Variants in NRIP3 observed in about 807,000 individuals in gnomAD.
The protein encoded by NRIP3 is nuclear receptor interacting protein 3.
Under a neutral mutation model 29.0 loss-of-function variants are expected in NRIP3, and 31 were observed. The observed-to-expected ratio is 1.07, with a 90% CI of 0.80 to 1.44. NRIP3 has a LOEUF of 1.44. NRIP3 is among the 40% of genes most tolerant of loss of function. The probability of loss-of-function intolerance (pLI) is 0.00; values close to 1 mark genes in which losing one functional copy is unlikely to be tolerated. For synonymous variants in NRIP3, 131 were observed against 118.3 expected (o/e 1.11, Z -0.70); for missense variants, 314 against 297.9 (o/e 1.05, Z -0.40).
At chr11:8,997,024 G>A (rs986910293) in intron 1 of NRIP3, among the ~76,000 whole-genome samples, 1 of 152,168 alleles carries the variant, frequency 6.6e-6, no homozygotes, top group African/African-American at 2.4e-5. Context: ...GCTGCAGTGA[G>A]CTATGATCAC....
intron 4 of NRIP3, among the ~76,000 whole-genome samples, chr11:8,984,938 G>T (rs552585878): frequency 8.6e-5 from 13 of 151,546 alleles, no homozygotes; most frequent in Non-Finnish European, 1.9e-4. Flanking sequence ...TGCAAGCTCT[G>T]CCTCTCGGGT....
At chr11:8,990,525 C>T (rs141852832) in intron 1 of NRIP3, among the ~76,000 whole-genome samples, 22 of 152,294 alleles carry the variant, frequency 1.4e-4, no homozygotes, top group Admixed American at 2.6e-4. Flanking sequence ...GTGGCTCACA[C>T]CTGTAATCCC....
intron 3 of NRIP3, among the ~76,000 whole-genome samples, chr11:8,987,291 T>G (rs903935687): frequency 1.3e-5 from 2 of 152,086 alleles, no homozygotes; most frequent in Non-Finnish European, 2.9e-5. Context: ...TCATTCAAGT[T>G]TAGAGGTCTT....
chr11:8,983,506 T>C lies in NRIP3; in HGVS notation c.*39A>G, dbSNP rs774250938. 11 of 1,605,982 alleles carry C rather than the reference T, an allele frequency of 6.8e-6. No homozygotes were observed. Among genetic ancestry groups the C allele is most frequent in the Non-Finnish European group, 9.4e-6 (11 of 1,174,214 alleles). ...GTTTTCTCTATCTGTCAACCCGGTG[T>C]GTATGCATGCACACGTGCAGACATG... On this transcript the variant is annotated 3_prime_UTR_variant, in exon 7 of 7. Transcript: ENST00000309166.
intron 4 of NRIP3, 130 bp downstream of exon 4, chr11:8,985,581 A>G: frequency 8.7e-7 from 1 of 1,148,456 alleles, no homozygotes; most frequent in South Asian, 1.6e-5. Flanking sequence ...GACAAGGTCT[A>G]CAGTACAAAA....
rs1218570903 is a variant in NRIP3 at position 8,984,142 on chromosome 11, A to AG, written c.563-19_563-18insC. 6.3e-7 allele frequency: 1 copy of AG among 1,583,876 alleles called. No individual in the cohort carries two copies. The highest frequency in any genetic ancestry group is 1.3e-5 in the African/African-American group (1 of 74,352). ...ATTGTCATCTAATAAAAACAAAAAAATGATTAAGATTTAGCCATTTCCATG... is the reference window on the plus strand; with the variant it reads ...ATTGTCATCTAATAAAAACAAAAAAAGTGATTAAGATTTAGCCATTTCCATG... On this transcript the variant is annotated intron_variant, in intron 4 of 6. Coordinates refer to ENST00000309166, the MANE Select transcript of NRIP3 (RefSeq NM_020645.3).
Position 9,003,843 on chromosome 11 carries a change from C to T in NRIP3, c.93G>A (p.Gln31=). 1 of 1,521,500 alleles carries T rather than the reference C, an allele frequency of 6.6e-7. No homozygotes were observed. Among genetic ancestry groups the T allele is most frequent in the South Asian group, 1.2e-5 (1 of 80,860 alleles). The allele number at this position is 1,521,500 out of a possible 1,614,324, so 94.2% of individuals were successfully genotyped here. ...AGTCCTTGTGGATGAACTGCACCGC[C>T]TGCTTCATCCGGCGCTGCTGTCGCA... ...ASLRQQRRMK[Q]AVQFIHKDSA... The change falls in exon 1 of 7, where the codon CAG becomes CAA. Residue 31 remains glutamine (Q), a synonymous_variant. Coordinates refer to ENST00000309166, the MANE Select transcript of NRIP3 (RefSeq NM_020645.3).
At chr11:9,003,585 C>G (rs1854849598) in intron 1 of NRIP3, among the ~76,000 whole-genome samples, 177 bp downstream of exon 1, 1 of 152,218 alleles carries the variant, frequency 6.6e-6, no homozygotes, top group African/African-American at 2.4e-5. Flanking sequence ...ACGACGGAAT[C>G]CCCACCGAAA....
At position 8,983,555 on chromosome 11, in the gene NRIP3, G is replaced by C; in HGVS notation, c.716C>G (p.Ser239Ter). The C allele has an allele frequency of 1.2e-6, 2 of 1,613,610 alleles. No homozygotes were observed. Among genetic ancestry groups the C allele is most frequent in the Middle Eastern group, 1.7e-4 (1 of 6,060 alleles). Residue 239 changes from serine to a stop codon, truncating the protein, a stop_gained, in exon 7 of 7, where the codon TCA (serine) becomes TGA (stop). Transcript: ENST00000309166. LOFTEE classifies it high-confidence loss of function. ...TGCTGCAGGCTGTAGTTATGCTTCT[G>C]AAGTGCTGAAATGAGAAATAAATAT... ...ETVSLNEDNTSEA is the reference protein window; with the variant it reads ...ETVSLNEDNT
At chr11:9,003,655 A>G (rs1338306112) in intron 1 of NRIP3, 107 bp downstream of exon 1, 6 of 1,130,850 alleles carry the variant, frequency 5.3e-6, no homozygotes, top group African/African-American at 1.6e-5. Context: ...AGCCAAGGGC[A>G]GCGGCGGGCC....
intron 1 of NRIP3, among the ~76,000 whole-genome samples, chr11:8,988,564 C>T (rs528053431): frequency 6.6e-6 from 1 of 152,280 alleles, no homozygotes; most frequent in Admixed American, 6.5e-5. Flanking sequence ...GAACTGAGAA[C>T]CCTTGTGATT....
intron 3 of NRIP3, 105 bp from the exon 4 acceptor site, chr11:8,985,955 T>A: frequency 7.3e-7 from 1 of 1,372,546 alleles, no homozygotes. Flanking sequence ...AGGGATCTCC[T>A]GGGATTAATC....
chr11:8,991,718 G>A (rs1451589768), intron 1 of NRIP3, among the ~76,000 whole-genome samples: 1 of 152,244 alleles, frequency 6.6e-6, no homozygotes, highest in Non-Finnish European at 1.5e-5. Context: ...GAGGCTGCCA[G>A]TTGCTCTTTA....
chr11:8,992,906 C>T (rs1193543525), intron 1 of NRIP3, among the ~76,000 whole-genome samples: 2 of 142,876 alleles, frequency 1.4e-5, no homozygotes, highest in Non-Finnish European at 3.0e-5. Context: ...AGCGAGACTC[C>T]GTCTCAAAAA....
intron 1 of NRIP3, among the ~76,000 whole-genome samples, chr11:8,993,376 A>G (rs1384067431): frequency 6.6e-6 from 1 of 152,264 alleles, no homozygotes; most frequent in Non-Finnish European, 1.5e-5. Context: ...ACTCAGCTGT[A>G]AATAACAAGA....
At chr11:9,002,068 C>T (rs549760255) in intron 1 of NRIP3, among the ~76,000 whole-genome samples, 11 of 152,186 alleles carry the variant, frequency 7.2e-5, no homozygotes, top group Non-Finnish European at 1.5e-4. Context: ...GGAATTCTTA[C>T]ACAGCATGAA....
intron 1 of NRIP3, among the ~76,000 whole-genome samples, chr11:8,993,948 A>G (rs1323230813): frequency 6.6e-6 from 1 of 152,166 alleles, no homozygotes; most frequent in Non-Finnish European, 1.5e-5. Flanking sequence ...AAAGTTTTAA[A>G]TTATTTACAT....
chr11:9,003,728 C>G (rs761180611), intron 1 of NRIP3, 34 bp downstream of exon 1: 1 of 1,372,992 alleles, frequency 7.3e-7, no homozygotes, highest in Non-Finnish European at 9.5e-7. Flanking sequence ...GCGAAGCCGC[C>G]GGGGCCGGGG....
At chr11:9,000,324 A>G (rs993026188) in intron 1 of NRIP3, among the ~76,000 whole-genome samples, 2 of 152,172 alleles carry the variant, frequency 1.3e-5, no homozygotes, top group Non-Finnish European at 2.9e-5. Context: ...CTTCTCTTCT[A>G]AGCCTCTGAA....
Sources: allele counts gnomAD v4.1 joint callset (sites outside exome capture counted in the v4.1 genomes callset), GRCh38; gene constraint gnomAD v4.1.1; transcripts MANE v1.5; gene names NCBI Gene and HGNC (gene_info 2026-07-23, HGNC 2026-07-21).